The following ATP8B4 variants were observed in gnomAD, a reference collection of about 807,000 sequenced individuals.
ATP8B4 encodes the protein ATPase phospholipid transporting 8B4 (putative), also known as probable phospholipid-transporting ATPase IM.
Under a neutral mutation model 145.6 loss-of-function variants are expected in ATP8B4, and 133 were observed. That is an observed-to-expected ratio of 0.91 (90% CI 0.79 to 1.05). ATP8B4 has a LOEUF of 1.05. Among genes scored for constraint, ATP8B4 ranks in the 50% least tolerant of loss-of-function variants. The pLI, the probability that ATP8B4 is intolerant of heterozygous loss-of-function variation, is 0.00. For missense variants in ATP8B4, 1,458 were observed against 1,425.2 expected, an observed-to-expected ratio of 1.02 and a Z score of -0.37; for synonymous variants, 507 against 492.9, an observed-to-expected ratio of 1.03 and a Z score of -0.38.
At chr15:50,005,515 AG>A (rs1264911311) in intron 7 of ATP8B4, among the ~76,000 whole-genome samples, 3 of 152,086 alleles carry the variant, frequency 2.0e-5, no homozygotes, top group African/African-American at 7.2e-5. Context: ...GGAACCCAGG[AG>A]GTCATATCTG....
chr15:49,945,377 T>C (rs2042479160), intron 14 of ATP8B4, among the ~76,000 whole-genome samples: 2 of 152,158 alleles, frequency 1.3e-5, no homozygotes, highest in African/African-American at 2.4e-5. Context: ...TGAAACCTCC[T>C]GACAAAGAAA....
intron 9 of ATP8B4, 25 bp downstream of exon 9, chr15:49,996,652 T>G: frequency 6.5e-7 from 1 of 1,530,306 alleles, no homozygotes; most frequent in Non-Finnish European, 8.9e-7. Context: ...AGGTTTTTGT[T>G]TGTTTATCTG....
chr15:49,918,026 G>C (rs1425689751), intron 19 of ATP8B4, among the ~76,000 whole-genome samples: 1 of 152,178 alleles, frequency 6.6e-6, no homozygotes, highest in Non-Finnish European at 1.5e-5. Context: ...CACATGTGCA[G>C]ATCCCCTAAT....
chr15:50,006,768 A>AT (rs762992927), intron 7 of ATP8B4, among the ~76,000 whole-genome samples: 9 of 152,178 alleles, frequency 5.9e-5, no homozygotes, highest in Non-Finnish European at 1.2e-4. Context: ...AAACAACTCA[A>AT]TTCTAGTAAT....
intron 1 of ATP8B4, among the ~76,000 whole-genome samples, chr15:50,146,075 C>T (rs72737025): frequency 0.11 from 15,284 of 144,666 alleles, 875 homozygotes; most frequent in Middle Eastern, 0.19. Flanking sequence ...TGCAGGAGCG[C>T]GATCTCGGGT....
intron 2 of ATP8B4, among the ~76,000 whole-genome samples, chr15:50,104,864 C>CAT (rs879763539): frequency 0.37 from 52,378 of 142,554 alleles, 10,443 homozygotes; most frequent in East Asian, 0.65. Flanking sequence ...GAAAATGTTG[C>CAT]ATACACACAC....
chr15:49,987,571 C>T, intron 9 of ATP8B4, 22 bp from the exon 10 acceptor site: 1 of 1,605,444 alleles, frequency 6.2e-7, no homozygotes, highest in East Asian at 2.2e-5. Flanking sequence ...AAAAACAAAA[C>T]AAACCTCTTT....
chr15:50,024,085 T>C (rs964587208), intron 6 of ATP8B4, among the ~76,000 whole-genome samples: 1 of 152,200 alleles, frequency 6.6e-6, no homozygotes, highest in Admixed American at 6.5e-5. Context: ...TAAAAGTAAA[T>C]TCCCATAAAA....
intron 14 of ATP8B4, among the ~76,000 whole-genome samples, chr15:49,946,721 T>C (rs1446972524): frequency 6.6e-6 from 1 of 151,956 alleles, no homozygotes; most frequent in African/African-American, 2.4e-5. Flanking sequence ...TAAGTAAAAA[T>C]ATTTGAACTT....
intron 1 of ATP8B4, among the ~76,000 whole-genome samples, chr15:50,140,450 T>C (rs1387320151): frequency 6.6e-6 from 1 of 152,152 alleles, no homozygotes; most frequent in Non-Finnish European, 1.5e-5. Flanking sequence ...CTGGGTTGGA[T>C]CAACACTAGA....
intron 6 of ATP8B4, among the ~76,000 whole-genome samples, chr15:50,014,288 C>T (rs1289820012): frequency 6.6e-6 from 1 of 152,140 alleles, no homozygotes; most frequent in Non-Finnish European, 1.5e-5. Context: ...ACATGTCAGC[C>T]TTATAACACT....
intron 3 of ATP8B4, among the ~76,000 whole-genome samples, chr15:50,051,103 T>C (rs2052153051): frequency 1.3e-5 from 2 of 152,224 alleles, no homozygotes; most frequent in South Asian, 2.1e-4. Flanking sequence ...AGGGACCCGA[T>C]GGGAGATAAC....
rs150300073 is a variant in ATP8B4, at chr15:49,872,933, G to C, written c.3027+3345C>G. The stretch of plus-strand genomic sequence containing the variant: ...TAACAAATGCACCATGGTGAGGTAA[G>C]ATGTTAATATTAACATCAGAGAAAA... On this transcript the variant is annotated intron_variant, in intron 25 of 27. Transcript: ENST00000284509. Among the ~76,000 whole-genome samples the C allele has an allele frequency of 3.3e-5, 5 of 152,324 alleles. No homozygotes were observed. In the East Asian group the frequency reaches 9.6e-4, roughly 29 times the overall value.
chr15:50,100,464 T>G (rs1286884935), intron 2 of ATP8B4, among the ~76,000 whole-genome samples: 1 of 152,236 alleles, frequency 6.6e-6, no homozygotes, highest in African/African-American at 2.4e-5. Flanking sequence ...TACATATATT[T>G]TATTGAATTA....
intron 1 of ATP8B4, among the ~76,000 whole-genome samples, chr15:50,157,745 C>G (rs1304930796): frequency 5.3e-5 from 8 of 151,820 alleles, no homozygotes; most frequent in Non-Finnish European, 8.8e-5. Flanking sequence ...CTTCCTCTCC[C>G]TCTCCCTCTC....
intron 1 of ATP8B4, among the ~76,000 whole-genome samples, chr15:50,116,401 G>A (rs1275617188): frequency 6.6e-6 from 1 of 152,186 alleles, no homozygotes; most frequent in East Asian, 1.9e-4. Flanking sequence ...GGAAAAGGAG[G>A]AGAAGGTGGA....
At chr15:49,903,771 G>A (rs1052444082) in intron 20 of ATP8B4, among the ~76,000 whole-genome samples, 1 of 152,152 alleles carries the variant, frequency 6.6e-6, no homozygotes, top group Non-Finnish European at 1.5e-5. Context: ...GCACATGCCT[G>A]TAATCCTAGC....
intron 26 of ATP8B4, among the ~76,000 whole-genome samples, chr15:49,864,795 T>C (rs1033098744): frequency 2.6e-5 from 4 of 152,032 alleles, no homozygotes; most frequent in Non-Finnish European, 5.9e-5. Flanking sequence ...AAAAGTACTA[T>C]GTACCAGGAT....
intron 14 of ATP8B4, among the ~76,000 whole-genome samples, chr15:49,947,762 C>T (rs1448366500): frequency 2.0e-5 from 3 of 151,980 alleles, no homozygotes; most frequent in African/African-American, 7.3e-5. Context: ...GTACTGGTAT[C>T]CCCAGTAAAG....
Sources: gnomAD v4.1 joint callset for allele counts (sites outside exome capture counted in the v4.1 genomes callset) on GRCh38, gnomAD v4.1.1 for gene constraint, MANE v1.5 for transcripts, NCBI Gene and HGNC (gene_info 2026-07-23, HGNC 2026-07-21) for gene names.